Variants in EBF1 observed in about 807,000 individuals in gnomAD.
EBF1 encodes EBF transcription factor 1.
A neutral mutation model predicts 68.4 loss-of-function variants in EBF1; 10 were observed. That is an observed-to-expected ratio of 0.15 (90% confidence interval 0.09 to 0.25). The LOEUF is 0.25. Among genes scored for constraint, EBF1 ranks in the 10% least tolerant of loss-of-function variants. EBF1 has a pLI of 1.00. For missense variants in EBF1, 509 were observed against 794.4 expected, an observed-to-expected ratio of 0.64 and a Z score of 4.32; for synonymous variants, 298 against 299.8, an observed-to-expected ratio of 0.99 and a Z score of 0.06.
chr5:159,005,714 T>C (rs184641810), intron 6 of EBF1, among the ~76,000 whole-genome samples: 1 of 152,338 alleles, frequency 6.6e-6, no homozygotes, highest in Admixed American at 6.5e-5. Flanking sequence ...GATGATAGAA[T>C]GCAGTGGTTC....
chr5:159,065,185 C>T lies in EBF1; in HGVS notation c.554+8211G>A, dbSNP rs931634874. On this transcript the variant is annotated intron_variant, in intron 6 of 15. Coordinates refer to ENST00000313708, the MANE Select transcript of EBF1 (RefSeq NM_024007.5). ...TGGAAAACAATAAATAAATTGCAAG[C>T]AGCATGACTGTCTGATATTCAGGTG... is the stretch of plus-strand genomic sequence containing the variant. Among the ~76,000 whole-genome samples the T allele has an allele frequency of 3.3e-5, 5 of 152,096 alleles. No homozygotes were observed. In the East Asian group the frequency reaches 9.7e-4, roughly 29 times the overall value.
At chr5:158,952,725 A>G (rs1256709588) in intron 6 of EBF1, among the ~76,000 whole-genome samples, 1 of 152,252 alleles carries the variant, frequency 6.6e-6, no homozygotes, top group African/African-American at 2.4e-5. Flanking sequence ...TGTGCAACAA[A>G]AGCTGTTTTC....
At chr5:159,030,102 T>A (rs1485539390) in intron 6 of EBF1, among the ~76,000 whole-genome samples, 10 of 89,120 alleles carry the variant, frequency 1.1e-4, no homozygotes, top group South Asian at 9.7e-4. Context: ...ACAGAAAAAA[T>A]ATATATATAC....
At chr5:158,795,480 T>C (rs1779448604) in intron 9 of EBF1, among the ~76,000 whole-genome samples, 2 of 152,232 alleles carry the variant, frequency 1.3e-5, no homozygotes, top group Non-Finnish European at 1.5e-5. Flanking sequence ...GATGACTACA[T>C]GCTTACAAAG....
At chr5:158,844,641 G>T (rs140628812) in intron 6 of EBF1, among the ~76,000 whole-genome samples, 3 of 152,320 alleles carry the variant, frequency 2.0e-5, no homozygotes, top group Non-Finnish European at 4.4e-5. Flanking sequence ...CATATGTCCT[G>T]ATGTCTAGTT....
chr5:159,043,893 T>C (rs922374590), intron 6 of EBF1, among the ~76,000 whole-genome samples: 3 of 152,178 alleles, frequency 2.0e-5, no homozygotes, highest in Non-Finnish European at 4.4e-5. Flanking sequence ...TCATTCTGAA[T>C]CTTCTATTAA....
At chr5:158,749,087 C>T (rs1768204369) in intron 10 of EBF1, among the ~76,000 whole-genome samples, 2 of 152,138 alleles carry the variant, frequency 1.3e-5, no homozygotes, top group Admixed American at 6.6e-5. Context: ...ATTGACTGCC[C>T]TTCTATGCCA....
At position 158,903,347 on chromosome 5, in the gene EBF1, C is replaced by T. The variant is rs116410747; in HGVS notation, c.555-63237G>A. Among the ~76,000 whole-genome samples, 632 of 152,114 alleles carry T rather than the reference C, an allele frequency of 4.2e-3. 2 individuals carry two copies. The highest frequency in any genetic ancestry group is 0.014 in the African/African-American group (584 of 41,484). Reference sequence around the variant, plus strand: ...TTTCTTTTTCTCTTCAAATGCTCACCGTGTCTGGGTCAGGAACGTGCCCTT... The same window carrying T: ...TTTCTTTTTCTCTTCAAATGCTCACTGTGTCTGGGTCAGGAACGTGCCCTT... On this transcript the variant is annotated intron_variant, in intron 6 of 15. Coordinates refer to ENST00000313708, the MANE Select transcript of EBF1 (RefSeq NM_024007.5).
intron 6 of EBF1, among the ~76,000 whole-genome samples, chr5:158,913,641 G>C (rs1322192282): frequency 6.6e-6 from 1 of 152,290 alleles, no homozygotes; most frequent in South Asian, 2.1e-4. Flanking sequence ...TGGGAGGAGG[G>C]AGGGCAGTGG....
At chr5:159,086,718 A>C (rs945887997) in intron 4 of EBF1, among the ~76,000 whole-genome samples, 6 of 152,084 alleles carry the variant, frequency 3.9e-5, no homozygotes, top group Non-Finnish European at 7.4e-5. Flanking sequence ...GCTATCAGAG[A>C]TCATGAGCCA....
chr5:158,892,417 A>G (rs1270218684), intron 6 of EBF1, among the ~76,000 whole-genome samples: 1 of 152,126 alleles, frequency 6.6e-6, no homozygotes, highest in Non-Finnish European at 1.5e-5. Context: ...TGAACCCGGG[A>G]GGCGGAGGCT....
intron 6 of EBF1, among the ~76,000 whole-genome samples, chr5:159,059,674 T>C (rs1040918921): frequency 6.6e-6 from 1 of 152,240 alleles, no homozygotes; most frequent in Non-Finnish European, 1.5e-5. Context: ...AGGCAGTTTA[T>C]ACAATTACTT....
intron 5 of EBF1, chr5:159,073,691 C>T (rs1216085273): frequency 1.1e-5 from 6 of 530,768 alleles, no homozygotes; most frequent in Non-Finnish European, 2.0e-5. Context: ...GAGAGGGGCT[C>T]TCCCAGAGCC....
chr5:159,061,703 A>G (rs1371478111), intron 6 of EBF1, among the ~76,000 whole-genome samples: 1 of 151,798 alleles, frequency 6.6e-6, no homozygotes, highest in African/African-American at 2.4e-5. Context: ...CTTGTCACTG[A>G]TGACACATCA....
At chr5:158,806,459 G>A (rs1029688229) in intron 8 of EBF1, among the ~76,000 whole-genome samples, 1 of 152,020 alleles carries the variant, frequency 6.6e-6, no homozygotes, top group Admixed American at 6.6e-5. Flanking sequence ...GATTCCACAG[G>A]CTTCCTTCTC....
intron 6 of EBF1, among the ~76,000 whole-genome samples, chr5:158,962,695 A>T (rs1753264107): frequency 6.6e-6 from 1 of 152,244 alleles, no homozygotes; most frequent in Admixed American, 6.5e-5. Context: ...AGGTACTTAC[A>T]GTTCAGGGTG....
At chr5:158,761,369 A>G (rs2127617763) in intron 10 of EBF1, among the ~76,000 whole-genome samples, 1 of 152,256 alleles carries the variant, frequency 6.6e-6, no homozygotes, top group South Asian at 2.1e-4. Flanking sequence ...CAGCGCCTAC[A>G]CTCAACGAAA....
At chr5:158,702,059 T>C (rs1214127098) in intron 15 of EBF1, among the ~76,000 whole-genome samples, 1 of 152,196 alleles carries the variant, frequency 6.6e-6, no homozygotes, top group Non-Finnish European at 1.5e-5. Context: ...AGCATTACTG[T>C]TCTCTAAATC....
At chr5:159,007,801 A>C (rs1763858060) in intron 6 of EBF1, among the ~76,000 whole-genome samples, 1 of 152,182 alleles carries the variant, frequency 6.6e-6, no homozygotes, top group Non-Finnish European at 1.5e-5. Flanking sequence ...ATAGGAGTTC[A>C]GAAATGAGGG....
Sources: allele counts gnomAD v4.1 joint callset (sites outside exome capture counted in the v4.1 genomes callset), GRCh38; gene constraint gnomAD v4.1.1; transcripts MANE v1.5; gene names NCBI Gene and HGNC (gene_info 2026-07-23, HGNC 2026-07-21).